COPS7A: variants seen among roughly 807,000 people sequenced by gnomAD.
COPS7A encodes the protein COP9 signalosome complex subunit 7a.
Under a neutral mutation model 35.2 loss-of-function variants are expected in COPS7A, and 20 were observed. The observed-to-expected ratio is 0.57, with a 90% CI of 0.40 to 0.83. The LOEUF (loss-of-function observed/expected upper bound fraction) is 0.83, where lower values mean the gene tolerates loss of function less well. Ranked by LOEUF, COPS7A falls within the 40% of genes least tolerant of loss-of-function variation. The pLI is 0.00. For missense variants in COPS7A, 247 were observed against 347.5 expected, an observed-to-expected ratio of 0.71 and a Z score of 2.30; for synonymous variants, 139 against 141.4, an observed-to-expected ratio of 0.98 and a Z score of 0.12.
chr12:6,727,027 A>G (rs1005951131), intron 2 of COPS7A, among the ~76,000 whole-genome samples: 13 of 152,226 alleles, frequency 8.5e-5, no homozygotes, highest in Non-Finnish European at 1.5e-5. Context: ...ACCTTCTGCA[A>G]GGATTGATTG....
rs780401435 is a variant in COPS7A at position 6,729,242 on chromosome 12, C to T, written c.328-5C>T. 6 of 1,614,046 alleles carry T rather than the reference C, an allele frequency of 3.7e-6. No individual in the cohort carries two copies. In the East Asian group the frequency reaches 1.3e-4, roughly 36 times the overall value. On this transcript the variant is annotated splice_polypyrimidine_tract_variant and splice_region_variant and intron_variant, in intron 4 of 7. Coordinates refer to ENST00000543155, the MANE Select transcript of COPS7A (RefSeq NM_001164094.2). The surrounding 1 kb of genome is among the most constrained non-coding windows in gnomAD (Gnocchi z 4.2). ...CAAATCCTGGCCTGATCTCCGCGGC[C>T]CCAGTGTATCCCATATGCAGTGTTG...
intron 2 of COPS7A, chr12:6,725,722 A>C (rs1052780414): frequency 4.4e-6 from 2 of 455,988 alleles, no homozygotes; most frequent in Admixed American, 2.4e-5. Context: ...ATTTACAATC[A>C]GAGGAGGCAG....
At position 6,727,952 on chromosome 12, in the gene COPS7A, C is replaced by T. The variant is rs770400153; in HGVS notation, c.189C>T (p.Thr63=). Residue 63 remains threonine, a synonymous_variant, in exon 3 of 8, where the codon ACC becomes ACT. Coordinates refer to ENST00000543155, the MANE Select transcript of COPS7A (RefSeq NM_001164094.2). ...TGGCTGAGAGTGACTTTGCCTCTACCTTCCGGCTGCTCACAGTGTTTGCTT... is the reference window on the plus strand; with the variant it reads ...TGGCTGAGAGTGACTTTGCCTCTACTTTCCGGCTGCTCACAGTGTTTGCTT... ...RELAESDFAS[T]FRLLTVFAYG... 3.1e-6 allele frequency: 5 copies of T among 1,614,152 alleles called. 1 individual carries two copies. The highest frequency in any genetic ancestry group is 2.2e-5 in the South Asian group (2 of 91,086).
At chr12:6,730,378 A>G (rs1475808152) in intron 5 of COPS7A, 24 bp from the exon 6 acceptor site, 2 of 1,610,438 alleles carry the variant, frequency 1.2e-6, no homozygotes, top group South Asian at 1.1e-5. Context: ...GTCTGCTGAC[A>G]CTTCTCTCCC....
Position 6,729,211 on chromosome 12 carries a change from G to A in COPS7A, c.328-36G>A, listed in dbSNP as rs1166344460. The A allele has an allele frequency of 6.2e-7, 1 of 1,610,318 alleles. No homozygotes were observed. The highest frequency in any genetic ancestry group is 1.3e-5 in the African/African-American group (1 of 74,862). On this transcript the variant is annotated intron_variant, in intron 4 of 7. Transcript: ENST00000543155. This position sits in a 1 kb window ranked among gnomAD's most constrained non-coding sequence, Gnocchi z 4.2. ...TTTGGAAGCCCTTCTCTACTACGGA[G>A]CGTCACAAATCCTGGCCTGATCTCC...
chr12:6,725,086 A>G (rs1397562681), intron 2 of COPS7A, among the ~76,000 whole-genome samples: 1 of 151,960 alleles, frequency 6.6e-6, no homozygotes, highest in African/African-American at 2.4e-5. Context: ...GCCGGTCTCC[A>G]CCAGTGTAGT....
rs773274697 is a variant in COPS7A, at chr12:6,726,608, A to AT, written c.163-1318_163-1317insT. Among the ~76,000 whole-genome samples, 522 of 114,050 alleles carry AT rather than the reference A, an allele frequency of 4.6e-3. 2 individuals carry two copies. Among genetic ancestry groups the AT allele is most frequent in the South Asian group, 0.015 (35 of 2,288 alleles). 74.8% of individuals were successfully genotyped at this position (114,050 alleles called of 152,430 possible). A position where few individuals can be genotyped will look rare whatever the true frequency, so the allele number is the denominator to read the frequency against. On this transcript the variant is annotated intron_variant, in intron 2 of 7. Coordinates refer to ENST00000543155, the MANE Select transcript of COPS7A (RefSeq NM_001164094.2). ...ACAGAGTGAGACTCTGTCTCAAAAAAAAAAATAAATAAATAAATAAAACAA... is the reference window on the plus strand; with the variant it reads ...ACAGAGTGAGACTCTGTCTCAAAAAATAAAAATAAATAAATAAATAAAACAA...
chr12:6,729,227 C>T lies in COPS7A; in HGVS notation c.328-20C>T. The T allele has an allele frequency of 6.2e-7, 1 of 1,613,770 alleles. No homozygotes were observed. The highest frequency in any genetic ancestry group is 8.5e-7 in the Non-Finnish European group (1 of 1,179,744). The stretch of plus-strand genomic sequence containing the variant: ...TACTACGGAGCGTCACAAATCCTGG[C>T]CTGATCTCCGCGGCCCCAGTGTATC... On this transcript the variant is annotated intron_variant, in intron 4 of 7. Coordinates refer to ENST00000543155, the MANE Select transcript of COPS7A (RefSeq NM_001164094.2). The surrounding 1 kb of genome is among the most constrained non-coding windows in gnomAD (Gnocchi z 4.2).
rs1170430701 is a variant in COPS7A, at chr12:6,724,756, G to A, written c.100G>A (p.Val34Met). The change falls in exon 2 of 8, where the codon GTG (valine) becomes ATG (methionine). Residue 34 changes from valine to methionine, a missense_variant. Transcript: ENST00000543155. ...GAALATLIHQ[V>M]LEAPGVYVFG... ...AGCGCTGGCCACACTCATCCATCAG[G>A]TGCTGGAGGCCCCTGGTGTCTACGT... is the stretch of plus-strand genomic sequence containing the variant. 4 of 1,614,062 alleles carry A rather than the reference G, an allele frequency of 2.5e-6. No individual in the cohort carries two copies. The highest frequency in any genetic ancestry group is 2.7e-5 in the African/African-American group (2 of 74,932).
At position 6,728,316 on chromosome 12, in the gene COPS7A, G is replaced by A. The variant is rs749418560; in HGVS notation, c.327+5G>A. 2.5e-6 allele frequency: 4 copies of A among 1,611,268 alleles called. No individual in the cohort carries two copies. Reference sequence around the variant, plus strand: ...ACCCTGGCTGCTAAAGTAAAGGTGAGTGGCAGTCCCCCAGTCCTACGGTCT... The same window carrying A: ...ACCCTGGCTGCTAAAGTAAAGGTGAATGGCAGTCCCCCAGTCCTACGGTCT... On this transcript the variant is annotated splice_donor_5th_base_variant and intron_variant, in intron 4 of 7. Transcript: ENST00000543155.
chr12:6,728,551 T>C (rs575811554), intron 4 of COPS7A, among the ~76,000 whole-genome samples: 4 of 152,246 alleles, frequency 2.6e-5, no homozygotes, highest in African/African-American at 9.6e-5. Flanking sequence ...TTGGTCAAAA[T>C]AGCAACTAGG....
Position 6,728,492 on chromosome 12 carries a change from T to A in COPS7A, c.327+181T>A, listed in dbSNP as rs887452429. Among the ~76,000 whole-genome samples the A allele has an allele frequency of 1.7e-4, 26 of 152,320 alleles. 1 individual carries two copies. Among genetic ancestry groups the A allele is most frequent in the African/African-American group, 5.5e-4 (23 of 41,572 alleles). On this transcript the variant is annotated intron_variant, in intron 4 of 7. Transcript: ENST00000543155. The stretch of plus-strand genomic sequence containing the variant: ...ATAGTATTCTTAGTTTTCTGTGTTG[T>A]TTTTATTTTTTAATCAACTTAAGTT...
intron 6 of COPS7A, 54 bp from the exon 7 acceptor site, chr12:6,730,615 G>C (rs1941367458): frequency 6.2e-7 from 1 of 1,611,974 alleles, no homozygotes; most frequent in Non-Finnish European, 8.5e-7. Context: ...GATGAGCAGG[G>C]GCTGGAAGGT....
intron 3 of COPS7A, 80 bp downstream of exon 3, chr12:6,728,081 G>A (rs1941302016): frequency 1.3e-6 from 2 of 1,519,670 alleles, no homozygotes; most frequent in Admixed American, 3.3e-5. Context: ...GAAATTCCTG[G>A]GATATCCCAC....
At position 6,729,566 on chromosome 12, in the gene COPS7A, G is replaced by A; in HGVS notation, c.530+117G>A. The A allele has an allele frequency of 9.3e-7, 1 of 1,076,338 alleles. No homozygotes were observed. The allele number at this position is 1,076,338 out of a possible 1,614,324, so 66.7% of individuals were successfully genotyped here. ...CAGAGGTGGAACCCAAGAGGATGAA[G>A]GGAAATGAGTTCATCCCTCCAAAGG... On this transcript the variant is annotated intron_variant, in intron 5 of 7. Transcript: ENST00000543155. This position sits in a 1 kb window ranked among gnomAD's most constrained non-coding sequence, Gnocchi z 4.2.
At chr12:6,725,608 C>G (rs1211858303) in intron 2 of COPS7A, 1 of 456,014 alleles carries the variant, frequency 2.2e-6, no homozygotes, top group Non-Finnish European at 4.4e-6. Flanking sequence ...ATATGCTAAT[C>G]TATTCAAGTT....
At chr12:6,728,806 C>A (rs997443779) in intron 4 of COPS7A, among the ~76,000 whole-genome samples, 5 of 152,192 alleles carry the variant, frequency 3.3e-5, no homozygotes, top group Non-Finnish European at 7.3e-5. Context: ...ACCAGGCTCT[C>A]TATTGAGAGA....
At chr12:6,728,131 A>G (rs1374986717) in intron 3 of COPS7A, 92 bp from the exon 4 acceptor site, 3 of 1,448,952 alleles carry the variant, frequency 2.1e-6, no homozygotes, top group Admixed American at 3.4e-5. Context: ...CAAGACCTGA[A>G]TTGGCATTGA....
Position 6,728,204 on chromosome 12 carries a change from C to T in COPS7A, c.239-19C>T. ...AAAACTGAAATCAGGATTCCTTACA[C>T]TTTGTCGTTTTTCCCTAGCTGAAGC... is the stretch of plus-strand genomic sequence containing the variant. On this transcript the variant is annotated intron_variant, in intron 3 of 7. Coordinates refer to ENST00000543155, the MANE Select transcript of COPS7A (RefSeq NM_001164094.2). 2 of 1,611,408 alleles carry T rather than the reference C, an allele frequency of 1.2e-6. No individual in the cohort carries two copies. Among genetic ancestry groups the T allele is most frequent in the Non-Finnish European group, 1.7e-6 (2 of 1,177,790 alleles).
Sources: allele counts gnomAD v4.1 joint callset (sites outside exome capture counted in the v4.1 genomes callset), GRCh38; gene constraint gnomAD v4.1.1; non-coding constraint Gnocchi (gnomAD v3.1); transcripts MANE v1.5; gene names NCBI Gene and HGNC (gene_info 2026-07-23, HGNC 2026-07-21).